Variants in KCNIP4 observed in about 807,000 individuals in gnomAD.
KCNIP4 encodes the protein Kv channel-interacting protein 4.
KCNIP4 carries 12 observed loss-of-function variants against 34.0 expected under a neutral mutation model. That is an observed-to-expected ratio of 0.35 (90% confidence interval 0.23 to 0.57). The LOEUF (loss-of-function observed/expected upper bound fraction) is 0.57. Among genes scored for constraint, KCNIP4 ranks in the 20% least tolerant of loss-of-function variants. KCNIP4 has a pLI of 0.83. For synonymous variants in KCNIP4, 124 were observed against 102.2 expected (o/e 1.21, Z -1.29); for missense variants, 238 against 311.7 (o/e 0.76, Z 1.78).
chr4:21,389,646 G>A (rs1257569211), intron 1 of KCNIP4, among the ~76,000 whole-genome samples: 1 of 151,560 alleles, frequency 6.6e-6, no homozygotes, highest in Non-Finnish European at 1.5e-5. Context: ...CTTTTTTATG[G>A]CTGCATAGTA....
intron 3 of KCNIP4, among the ~76,000 whole-genome samples, chr4:20,769,979 T>A (rs1755731536): frequency 6.6e-6 from 1 of 152,218 alleles, no homozygotes. Context: ...TCAACTGCCC[T>A]GAGACTTTAA....
intron 3 of KCNIP4, among the ~76,000 whole-genome samples, chr4:20,829,246 C>T (rs1050582246): frequency 2.6e-5 from 4 of 151,780 alleles, no homozygotes; most frequent in South Asian, 2.1e-4. Flanking sequence ...CTCACTCTGT[C>T]GCCCAGGCTG....
intron 1 of KCNIP4, among the ~76,000 whole-genome samples, chr4:21,492,345 A>C (rs1169921363): frequency 6.6e-6 from 1 of 152,154 alleles, no homozygotes; most frequent in Non-Finnish European, 1.5e-5. Context: ...CAGCCTCCCC[A>C]GTAGCTAGGA....
At chr4:20,785,328 C>CTTTTTTTTTTTTTTTTTTTTTCTT in intron 3 of KCNIP4, among the ~76,000 whole-genome samples, 1 of 136,372 alleles carries the variant, frequency 7.3e-6, no homozygotes, top group Non-Finnish European at 1.6e-5. Flanking sequence ...ATTTTTTTTT[C>CTTTTTTTTTTTTTTTTTTTTTCTT]TTTTTTTTTT....
At chr4:21,271,952 G>A (rs946015101) in intron 1 of KCNIP4, among the ~76,000 whole-genome samples, 1 of 152,230 alleles carries the variant, frequency 6.6e-6, no homozygotes, top group Admixed American at 6.5e-5. Flanking sequence ...TTCTTCATCA[G>A]CAACCCCATA....
chr4:20,952,260 A>G (rs1732861473), intron 1 of KCNIP4, among the ~76,000 whole-genome samples: 1 of 152,218 alleles, frequency 6.6e-6, no homozygotes, highest in African/African-American at 2.4e-5. Flanking sequence ...GTGACTCACA[A>G]AAGAAGAAAG....
intron 1 of KCNIP4, among the ~76,000 whole-genome samples, chr4:21,045,603 A>G (rs987315877): frequency 2.0e-5 from 3 of 152,168 alleles, no homozygotes; most frequent in Admixed American, 1.3e-4. Flanking sequence ...TCTTGATCCC[A>G]CTGAACGTAG....
chr4:21,033,893 A>C (rs1741224396), intron 1 of KCNIP4, among the ~76,000 whole-genome samples: 1 of 152,182 alleles, frequency 6.6e-6, no homozygotes, highest in African/African-American at 2.4e-5. Flanking sequence ...ATTGACTTGT[A>C]CTTATTGTGC....
intron 1 of KCNIP4, chr4:21,613,787 C>T (rs1744360151): frequency 3.3e-5 from 5 of 152,028 alleles, no homozygotes; most frequent in Admixed American, 3.3e-4. Context: ...GAAAAATATT[C>T]TACAGGGAAA....
intron 1 of KCNIP4, among the ~76,000 whole-genome samples, chr4:21,214,691 A>C (rs1757441225): frequency 6.6e-6 from 1 of 152,144 alleles, no homozygotes; most frequent in Admixed American, 6.6e-5. Context: ...TAAACCTCTT[A>C]ATATAGAGAG....
At chr4:21,147,956 A>AAAAAAAAAAAAAAAAAAAAAAG (rs1553945843) in intron 1 of KCNIP4, among the ~76,000 whole-genome samples, 66 of 128,376 alleles carry the variant, frequency 5.1e-4, no homozygotes, top group Non-Finnish European at 7.0e-4. Context: ...AAAAAAAAAA[A>AAAAAAAAAAAAAAAAAAAAAAG]AAAAGAAAAA....
At chr4:21,421,634 T>G (rs1334005097) in intron 1 of KCNIP4, among the ~76,000 whole-genome samples, 1 of 152,174 alleles carries the variant, frequency 6.6e-6, no homozygotes, top group African/African-American at 2.4e-5. Flanking sequence ...GATGGAAAGC[T>G]ATTGGTCAAA....
intron 3 of KCNIP4, among the ~76,000 whole-genome samples, chr4:20,785,307 C>T (rs1414038543): frequency 6.7e-6 from 1 of 148,312 alleles, no homozygotes; most frequent in Non-Finnish European, 1.5e-5. Context: ...TCCCTACTTG[C>T]TTTTCTTTGG....
chr4:21,920,496 A>C (rs12646862), intron 1 of KCNIP4, among the ~76,000 whole-genome samples: 38,452 of 151,928 alleles, frequency 0.25, 5,682 homozygotes, highest in East Asian at 0.61. Flanking sequence ...GAGGAATAAA[A>C]GGCTTCATAG....
chr4:20,941,579 CT>C (rs60324636), intron 1 of KCNIP4, among the ~76,000 whole-genome samples: 19,675 of 152,108 alleles, frequency 0.13, 1,808 homozygotes, highest in African/African-American at 0.27. Flanking sequence ...TTTTTCGAGG[CT>C]TATGAACCTG....
At chr4:21,218,038 G>A (rs1404581202) in intron 1 of KCNIP4, among the ~76,000 whole-genome samples, 10 of 148,252 alleles carry the variant, frequency 6.7e-5, no homozygotes, top group South Asian at 6.3e-4. Flanking sequence ...TTTTTTAGAC[G>A]GAGTTTCCCT....
intron 1 of KCNIP4, among the ~76,000 whole-genome samples, chr4:21,349,570 G>C (rs1017924741): frequency 1.3e-5 from 2 of 152,106 alleles, no homozygotes; most frequent in Non-Finnish European, 2.9e-5. Flanking sequence ...ACCATAGAAG[G>C]CATTTAATTA....
At chr4:21,825,834 T>C (rs1359731949) in intron 1 of KCNIP4, among the ~76,000 whole-genome samples, 1 of 152,148 alleles carries the variant, frequency 6.6e-6, no homozygotes, top group Non-Finnish European at 1.5e-5. Flanking sequence ...TTCAGGTGTT[T>C]ACAAGTTCTG....
chr4:20,923,599 T>C (rs1447770245), intron 1 of KCNIP4, among the ~76,000 whole-genome samples: 2 of 152,190 alleles, frequency 1.3e-5, no homozygotes, highest in Non-Finnish European at 2.9e-5. Context: ...AGCAAAAGAT[T>C]ATATACTAGA....
Sources: gnomAD v4.1 joint callset for allele counts (sites outside exome capture counted in the v4.1 genomes callset) on GRCh38, gnomAD v4.1.1 for gene constraint, MANE v1.5 for transcripts, NCBI Gene and HGNC (gene_info 2026-07-23, HGNC 2026-07-21) for gene names.